ENDOD1: variants seen among roughly 807,000 people sequenced by gnomAD.
ENDOD1 encodes endonuclease domain-containing 1 protein.
A neutral mutation model predicts 6.5 loss-of-function variants in ENDOD1; 9 were observed. That is an observed-to-expected ratio of 1.39 (90% CI 0.84 to 2.43). The LOEUF is 2.43. Among genes scored for constraint, ENDOD1 ranks in the 30% most tolerant of loss-of-function variants. The pLI is 0.00. For synonymous variants in ENDOD1, 255 were observed against 255.2 expected (o/e 1.00, Z 0.01); for missense variants, 648 against 635.5 (o/e 1.02, Z -0.21).
chr11:95,107,578 C>T (rs561676088), intron 1 of ENDOD1, among the ~76,000 whole-genome samples: 122 of 152,202 alleles, frequency 8.0e-4, no homozygotes, highest in Non-Finnish European at 1.3e-3. Flanking sequence ...CTGTGAGTAA[C>T]GTGGAAGGAA....
chr11:95,090,054 C>A lies in ENDOD1; in HGVS notation c.127C>A (p.Pro43Thr). 6.2e-7 allele frequency: 1 copy of A among 1,602,838 alleles called. No homozygotes were observed. Residue 43 changes from proline to threonine, a missense_variant, in exon 1 of 2, where the codon CCG (proline) becomes ACG (threonine). Pro to Thr is a conservative substitution (Grantham distance 38, BLOSUM62 -1). Coordinates refer to ENST00000278505, the MANE Select transcript of ENDOD1 (RefSeq NM_015036.3). Reference protein sequence around the residue: ...ECDKFFYAGTPPAGLAADSHV... With the variant: ...ECDKFFYAGTTPAGLAADSHV... Reference sequence around the variant, plus strand: ...TGACAAGTTCTTCTACGCCGGGACCCCGCCTGCGGGGCTGGCGGCCGATTC... The same window carrying A: ...TGACAAGTTCTTCTACGCCGGGACCACGCCTGCGGGGCTGGCGGCCGATTC...
chr11:95,099,658 C>T (rs889427731), intron 1 of ENDOD1, among the ~76,000 whole-genome samples: 6 of 152,360 alleles, frequency 3.9e-5, no homozygotes, highest in East Asian at 3.9e-4. Flanking sequence ...TAACTCAGAA[C>T]GTATACCTCC....
At chr11:95,113,240 C>T (rs1555112129) in intron 1 of ENDOD1, among the ~76,000 whole-genome samples, 1 of 152,134 alleles carries the variant, frequency 6.6e-6, no homozygotes, top group Non-Finnish European at 1.5e-5. Flanking sequence ...ATGTTACCAA[C>T]AATCCAATTA....
chr11:95,125,593 C>G (rs1402556713), intron 1 of ENDOD1, among the ~76,000 whole-genome samples: 2 of 149,940 alleles, frequency 1.3e-5, no homozygotes, highest in African/African-American at 4.9e-5. Flanking sequence ...TCCCTCCCCC[C>G]TCCCCCAACC....
chr11:95,122,589 T>TACAC (rs55940348), intron 1 of ENDOD1, among the ~76,000 whole-genome samples: 41,558 of 142,522 alleles, frequency 0.29, 6,738 homozygotes, highest in East Asian at 0.56. Flanking sequence ...GCATTTAAGT[T>TACAC]ACACACACAC....
chr11:95,129,591 T>A lies in ENDOD1; in HGVS notation c.*12T>A, dbSNP rs569129931. On this transcript the variant is annotated 3_prime_UTR_variant, in exon 2 of 2. Coordinates refer to ENST00000278505, the MANE Select transcript of ENDOD1 (RefSeq NM_015036.3). ...CTGGGGAGTTATAAACTCAAAAAACTAATAGTATCCAGTCACAGTGAATTT... is the reference window on the plus strand; with the variant it reads ...CTGGGGAGTTATAAACTCAAAAAACAAATAGTATCCAGTCACAGTGAATTT... 1 of 1,601,250 alleles carries A rather than the reference T, an allele frequency of 6.2e-7. No individual in the cohort carries two copies. Among genetic ancestry groups the A allele is most frequent in the South Asian group, 1.1e-5 (1 of 89,486 alleles).
chr11:95,095,264 G>A (rs947350701), intron 1 of ENDOD1, among the ~76,000 whole-genome samples: 14 of 151,832 alleles, frequency 9.2e-5, no homozygotes, highest in Admixed American at 2.6e-4. Flanking sequence ...GGATTTGAGT[G>A]ATTAAAAGCA....
At chr11:95,090,295 T>A in intron 1 of ENDOD1, 68 bp downstream of exon 1, 2 of 1,347,424 alleles carry the variant, frequency 1.5e-6, no homozygotes, top group Non-Finnish European at 1.9e-6. Context: ...TGCCCCCAGT[T>A]GCAGCTACCG....
In ENDOD1 at chr11:95,089,913, C is replaced by T; in HGVS notation, c.-15C>T. ...AGCCCAGCCGCTCGGCCCCGCCGCG[C>T]TCGCAGAGGCCGCCATGGGCACCGC... On this transcript the variant is annotated 5_prime_UTR_variant, in exon 1 of 2. Transcript: ENST00000278505. 1.5e-6 allele frequency: 2 copies of T among 1,362,736 alleles called. No individual in the cohort carries two copies. Among genetic ancestry groups the T allele is most frequent in the Non-Finnish European group, 1.9e-6 (2 of 1,053,770 alleles). 84.4% of individuals were successfully genotyped at this position (1,362,736 alleles called of 1,614,324 possible).
At position 95,129,589 on chromosome 11, in the gene ENDOD1, A is replaced by G; in HGVS notation, c.*10A>G. The G allele has an allele frequency of 6.2e-7, 1 of 1,601,976 alleles. No homozygotes were observed. Among genetic ancestry groups the G allele is most frequent in the African/African-American group, 1.3e-5 (1 of 74,492 alleles). ...TTCTGGGGAGTTATAAACTCAAAAA[A>G]CTAATAGTATCCAGTCACAGTGAAT... On this transcript the variant is annotated 3_prime_UTR_variant, in exon 2 of 2. Transcript: ENST00000278505.
intron 1 of ENDOD1, among the ~76,000 whole-genome samples, chr11:95,095,026 G>C (rs950468284): frequency 1.4e-5 from 2 of 148,096 alleles, no homozygotes; most frequent in Non-Finnish European, 2.9e-5. Flanking sequence ...ACTTCAGTAG[G>C]TGCTAGGCGT....
At chr11:95,107,368 C>T (rs1330092351) in intron 1 of ENDOD1, among the ~76,000 whole-genome samples, 1 of 151,062 alleles carries the variant, frequency 6.6e-6, no homozygotes, top group Non-Finnish European at 1.5e-5. Context: ...CTGGGTGAGG[C>T]CTGAGGATAT....
rs55940348 is a variant in ENDOD1, at chr11:95,122,589, T to TACACACACACACACACACAC, written c.301-5772_301-5753dup. ...CTATAGATGAAGTGGGCATTTAAGT[T>TACACACACACACACACACAC]ACACACACACACACACACACACACA... is the stretch of plus-strand genomic sequence containing the variant. On this transcript the variant is annotated intron_variant, in intron 1 of 1. Transcript: ENST00000278505. Among the ~76,000 whole-genome samples the TACACACACACACACACACAC allele has an allele frequency of 1.3e-4, 18 of 142,812 alleles. 1 individual carries two copies. Among genetic ancestry groups the TACACACACACACACACACAC allele is most frequent in the African/African-American group, 3.7e-4 (14 of 38,170 alleles). 93.7% of individuals were successfully genotyped at this position (142,812 alleles called of 152,430 possible).
intron 1 of ENDOD1, among the ~76,000 whole-genome samples, chr11:95,095,785 A>G (rs1858978084): frequency 2.0e-5 from 3 of 152,326 alleles, no homozygotes; most frequent in South Asian, 4.1e-4. Flanking sequence ...TCCAAGGTCA[A>G]ACAGCTTCTA....
chr11:95,129,411 G>C lies in ENDOD1; in HGVS notation c.1335G>C (p.Met445Ile), dbSNP rs769021532. 21 of 1,614,030 alleles carry C rather than the reference G, an allele frequency of 1.3e-5. No individual in the cohort carries two copies. The highest frequency in any genetic ancestry group is 1.6e-5 in the Non-Finnish European group (19 of 1,180,022). The change falls in exon 2 of 2, where the codon ATG becomes ATC. Residue 445 changes from methionine (M) to isoleucine (I), a missense_variant. Transcript: ENST00000278505. ...VDVATFPVYT[M>I]GAIPIVCKDI... ...TGGCCACTTTCCCTGTGTACACCAT[G>C]GGCGCTATTCCAATTGTTTGCAAGG...
At position 95,104,701 on chromosome 11, in the gene ENDOD1, C is replaced by T. The variant is rs571916606; in HGVS notation, c.300+14474C>T. The stretch of plus-strand genomic sequence containing the variant: ...TTGAAAGATATCACAGGTAGATTCA[C>T]AGGCACGGGAAAAGAGATACACACT... On this transcript the variant is annotated intron_variant, in intron 1 of 1. Coordinates refer to ENST00000278505, the MANE Select transcript of ENDOD1 (RefSeq NM_015036.3). Among the ~76,000 whole-genome samples, 8 of 152,314 alleles carry T rather than the reference C, an allele frequency of 5.3e-5. No homozygotes were observed. In the East Asian group the frequency reaches 1.5e-3, roughly 29 times the overall value.
chr11:95,128,751 T>C lies in ENDOD1; in HGVS notation c.675T>C (p.Cys225=), dbSNP rs1565449973. 8 of 1,614,068 alleles carry C rather than the reference T, an allele frequency of 5.0e-6. No homozygotes were observed. The East Asian group carries it at 1.8e-4, about 36-fold the overall frequency. The change falls in exon 2 of 2, where the codon TGT becomes TGC. Residue 225 remains cysteine (C), a synonymous_variant. Transcript: ENST00000278505. ...VPEFVWLAAC[C]AVPGGGWAMG... ...AGTTTGTTTGGCTGGCAGCCTGTTG[T>C]GCTGTCCCTGGAGGAGGCTGGGCCA...
rs778182601 is a variant in ENDOD1 at position 95,128,598 on chromosome 11, G to A, written c.522G>A (p.Trp174Ter). 1 of 1,614,230 alleles carries A rather than the reference G, an allele frequency of 6.2e-7. No individual in the cohort carries two copies. The highest frequency in any genetic ancestry group is 1.1e-5 in the South Asian group (1 of 91,084). Residue 174 changes from tryptophan (W) to a stop codon, truncating the protein, a stop_gained, in exon 2 of 2, where the codon TGG becomes TGA. Transcript: ENST00000278505. LOFTEE classifies it low-confidence loss of function (END_TRUNC). Reference sequence around the variant, plus strand: ...TGACTCAGTCCTTCCAGGAACGGTGGTATGTGAATCTCCACAGCCTAATGG... The same window carrying A: ...TGACTCAGTCCTTCCAGGAACGGTGATATGTGAATCTCCACAGCCTAATGG... ...APMTQSFQER[W>*]YVNLHSLMDR...
In ENDOD1 at chr11:95,129,252, A is replaced by G; in HGVS notation, c.1176A>G (p.Glu392=). The G allele has an allele frequency of 6.2e-7, 1 of 1,613,912 alleles. No individual in the cohort carries two copies. The change falls in exon 2 of 2, where the codon GAA becomes GAG. Residue 392 remains glutamate, a synonymous_variant. Coordinates refer to ENST00000278505, the MANE Select transcript of ENDOD1 (RefSeq NM_015036.3). ...ATISYFMAIG[E]ELVSIPWKVL... Reference sequence around the variant, plus strand: ...TCTCATACTTCATGGCCATTGGGGAAGAGTTGGTGAGCATTCCCTGGAAGG... The same window carrying G: ...TCTCATACTTCATGGCCATTGGGGAGGAGTTGGTGAGCATTCCCTGGAAGG...
Sources: gnomAD v4.1 joint callset for allele counts (sites outside exome capture counted in the v4.1 genomes callset) on GRCh38, gnomAD v4.1.1 for gene constraint, MANE v1.5 for transcripts, NCBI Gene and HGNC (gene_info 2026-07-23, HGNC 2026-07-21) for gene names.